HIPK2: variants seen among roughly 807,000 people sequenced by gnomAD.
HIPK2 encodes homeodomain-interacting protein kinase 2.
HIPK2 carries 27 observed loss-of-function variants against 113.7 expected under a neutral mutation model. The observed-to-expected ratio is 0.24, with a 90% CI of 0.17 to 0.33. The LOEUF is 0.33. Ranked by LOEUF, HIPK2 falls within the 10% of genes least tolerant of loss-of-function variation. HIPK2 has a pLI of 1.00. For missense variants in HIPK2, 1,257 were observed against 1,588.0 expected (o/e 0.79, Z 3.54); for synonymous variants, 631 against 642.2 (o/e 0.98, Z 0.26).
At chr7:139,587,986 C>T (rs1051943136) in intron 12 of HIPK2, among the ~76,000 whole-genome samples, 2 of 152,176 alleles carry the variant, frequency 1.3e-5, no homozygotes, top group Non-Finnish European at 2.9e-5. Context: ...GAGTTTAAGA[C>T]CAGCCTGGCC....
rs560884926 is a variant in HIPK2, at chr7:139,737,166, C to G, written c.20-20151G>C. ...AAACTACATGGCTCATATAGTATTC[C>G]TACCGAGGTCTTACCTTGCTAAAGA... On this transcript the variant is annotated intron_variant, in intron 1 of 14. Transcript: ENST00000406875. Among the ~76,000 whole-genome samples, 9 of 152,272 alleles carry G rather than the reference C, an allele frequency of 5.9e-5. No homozygotes were observed. In the East Asian group the frequency reaches 1.2e-3, roughly 20 times the overall value.
At chr7:139,756,142 T>C (rs1171843403) in intron 1 of HIPK2, among the ~76,000 whole-genome samples, 2 of 152,142 alleles carry the variant, frequency 1.3e-5, no homozygotes, top group East Asian at 3.9e-4. Context: ...ATAATAATCT[T>C]AACAGTCACA....
chr7:139,586,863 T>C (rs1798849132), intron 12 of HIPK2, among the ~76,000 whole-genome samples: 2 of 152,116 alleles, frequency 1.3e-5, no homozygotes, highest in East Asian at 1.9e-4. Flanking sequence ...TGAGTCTACA[T>C]ATATGAAATA....
intron 2 of HIPK2, among the ~76,000 whole-genome samples, chr7:139,703,702 A>AG (rs1554447465): frequency 6.9e-6 from 1 of 145,870 alleles, no homozygotes; most frequent in South Asian, 2.2e-4. Context: ...CAACACATAC[A>AG]CCCCTCCACA....
chr7:139,721,897 C>A (rs1053619201), intron 1 of HIPK2: 90 of 211,098 alleles, frequency 4.3e-4, no homozygotes, highest in African/African-American at 1.9e-3. Context: ...TCCACAAAAG[C>A]CTTAGTGGCC....
At chr7:139,676,699 T>C (rs561860890) in intron 2 of HIPK2, among the ~76,000 whole-genome samples, 1 of 152,280 alleles carries the variant, frequency 6.6e-6, no homozygotes, top group South Asian at 2.1e-4. Context: ...TAGGCATCTC[T>C]GGAGAGCAGG....
chr7:139,682,754 C>T (rs1046085748), intron 2 of HIPK2, among the ~76,000 whole-genome samples: 7 of 152,298 alleles, frequency 4.6e-5, no homozygotes, highest in Admixed American at 6.5e-5. Context: ...GTTAAGGACC[C>T]GCGTTCCCCT....
chr7:139,664,251 G>C (rs1241579293), intron 2 of HIPK2, among the ~76,000 whole-genome samples: 1 of 152,178 alleles, frequency 6.6e-6, no homozygotes, highest in Non-Finnish European at 1.5e-5. Flanking sequence ...TAAGTAGCTT[G>C]AGGGGTTGGG....
intron 2 of HIPK2, among the ~76,000 whole-genome samples, chr7:139,684,399 A>G (rs1333022907): frequency 6.6e-6 from 1 of 152,196 alleles, no homozygotes; most frequent in Non-Finnish European, 1.5e-5. Flanking sequence ...GTAATGATTG[A>G]GCTTAGTGAG....
At chr7:139,676,150 G>A (rs755102276) in intron 2 of HIPK2, among the ~76,000 whole-genome samples, 6 of 152,078 alleles carry the variant, frequency 3.9e-5, no homozygotes, top group African/African-American at 1.2e-4. Context: ...AAGTCTTTTC[G>A]GCTTACCAGG....
chr7:139,651,082 C>A (rs142136384), intron 2 of HIPK2, among the ~76,000 whole-genome samples: 2 of 152,194 alleles, frequency 1.3e-5, no homozygotes, highest in African/African-American at 4.8e-5. Context: ...GGAGGGAGCA[C>A]GCAGAGAAGC....
intron 1 of HIPK2, among the ~76,000 whole-genome samples, chr7:139,761,971 G>C (rs1345157995): frequency 6.6e-6 from 1 of 152,148 alleles, no homozygotes; most frequent in Non-Finnish European, 1.5e-5. Context: ...CTAACTGTGT[G>C]TATGTGGAGT....
At chr7:139,616,490 A>G (rs1800047839) in intron 7 of HIPK2, among the ~76,000 whole-genome samples, 1 of 152,090 alleles carries the variant, frequency 6.6e-6, no homozygotes, top group African/African-American at 2.4e-5. Flanking sequence ...TTCTGACACC[A>G]AGATTAGTTT....
chr7:139,765,181 T>C (rs1796533146), intron 1 of HIPK2, among the ~76,000 whole-genome samples: 1 of 152,076 alleles, frequency 6.6e-6, no homozygotes, highest in Non-Finnish European at 1.5e-5. Context: ...AACCTGGTGA[T>C]GTATCTAGAA....
At chr7:139,623,870 C>A (rs930636694) in intron 6 of HIPK2, among the ~76,000 whole-genome samples, 4 of 152,154 alleles carry the variant, frequency 2.6e-5, no homozygotes, top group African/African-American at 9.7e-5. Context: ...ATTCCCTTCC[C>A]CTCCTGATCC....
In HIPK2 at chr7:139,642,480, C is replaced by T. The variant is rs533073284; in HGVS notation, c.1104-10755G>A. Among the ~76,000 whole-genome samples the T allele has an allele frequency of 2.8e-4, 42 of 152,340 alleles. No homozygotes were observed. The South Asian group carries it at 8.3e-3, about 30-fold the overall frequency. On this transcript the variant is annotated intron_variant, in intron 2 of 14. Transcript: ENST00000406875. ...ACCTCGGGGCAGCTGCATGGAGAGA[C>T]AACACGCCCTGTGACCACAGGCAAG... is the stretch of plus-strand genomic sequence containing the variant.
intron 2 of HIPK2, among the ~76,000 whole-genome samples, chr7:139,664,217 C>T (rs1030066760): frequency 2.6e-5 from 4 of 152,184 alleles, no homozygotes; most frequent in South Asian, 2.1e-4. Context: ...TCCTGTCATC[C>T]GCACCCTTCT....
At chr7:139,646,053 G>A (rs1801207878) in intron 2 of HIPK2, among the ~76,000 whole-genome samples, 2 of 152,360 alleles carry the variant, frequency 1.3e-5, no homozygotes, top group African/African-American at 4.8e-5. Context: ...TTGCCTTCTT[G>A]TGTTTGGGTC....
In HIPK2 at chr7:139,631,405, CAAA is replaced by C; in HGVS notation, c.1228-124_1228-122del. 7.1e-7 allele frequency: 1 copy of C among 1,406,894 alleles called. No homozygotes were observed. Among genetic ancestry groups the C allele is most frequent in the Non-Finnish European group, 9.4e-7 (1 of 1,068,474 alleles). The allele number at this position is 1,406,894 out of a possible 1,614,324, so 87.2% of individuals were successfully genotyped here. On this transcript the variant is annotated intron_variant, in intron 3 of 14. Transcript: ENST00000406875. This position sits in a 1 kb window ranked among gnomAD's most constrained non-coding sequence, Gnocchi z 4.9. ...CAATTTTTGTAGGGAAAGAAGTTAA[CAAA>C]AAAGAGAAAAAAGAAAAAGGGAAAA...
Sources: gnomAD v4.1 joint callset for allele counts (sites outside exome capture counted in the v4.1 genomes callset) on GRCh38, gnomAD v4.1.1 for gene constraint, Gnocchi (gnomAD v3.1) non-coding constraint, MANE v1.5 for transcripts, NCBI Gene and HGNC (gene_info 2026-07-23, HGNC 2026-07-21) for gene names.